Variants in MITF observed in about 807,000 individuals in gnomAD.
MITF encodes the protein melanocyte inducing transcription factor, also known as microphthalmia-associated transcription factor.
A neutral mutation model predicts 60.5 loss-of-function variants in MITF; 17 were observed. That is an observed-to-expected ratio of 0.28 (90% CI 0.19 to 0.42). The LOEUF is 0.42. MITF is among the 10% of genes least tolerant of loss of function. The pLI, the probability that MITF is intolerant of heterozygous loss-of-function variation, is 1.00. For synonymous variants in MITF, 260 were observed against 248.5 expected, an observed-to-expected ratio of 1.05 and a Z score of -0.43; for missense variants, 622 against 683.5, an observed-to-expected ratio of 0.91 and a Z score of 1.00.
chr3:69,775,786 C>G (rs1408864572), intron 1 of MITF, among the ~76,000 whole-genome samples: 1 of 152,100 alleles, frequency 6.6e-6, no homozygotes, highest in Admixed American at 6.5e-5. Flanking sequence ...CTGACTGGGA[C>G]TCTTTGTAGA....
At chr3:69,941,381 T>C in intron 5 of MITF, 50 bp downstream of exon 5, 1 of 1,221,640 alleles carries the variant, frequency 8.2e-7, no homozygotes, top group Non-Finnish European at 1.2e-6. Context: ...TTTCCAGGGT[T>C]CTTTTCTTTT....
chr3:69,816,006 G>A (rs1026391955), intron 1 of MITF, among the ~76,000 whole-genome samples: 1 of 152,124 alleles, frequency 6.6e-6, no homozygotes, highest in Non-Finnish European at 1.5e-5. Flanking sequence ...GGTGTTTAAA[G>A]AAGTCTCTCC....
intron 9 of MITF, among the ~76,000 whole-genome samples, chr3:69,961,550 C>CAAAAA (rs36044055): frequency 7.1e-5 from 9 of 127,086 alleles, no homozygotes; most frequent in African/African-American, 2.3e-4. Context: ...ACCAAAAATA[C>CAAAAA]AAAAAAAAAA....
intron 1 of MITF, among the ~76,000 whole-genome samples, chr3:69,794,274 T>C (rs950838752): frequency 2.6e-5 from 4 of 152,222 alleles, no homozygotes; most frequent in African/African-American, 9.6e-5. Flanking sequence ...GCTATTGTGG[T>C]TGGTCTGCTT....
At position 69,937,836 on chromosome 3, in the gene MITF, C is replaced by T. The variant is rs373819498; in HGVS notation, c.369C>T (p.Leu123=). 22 of 1,613,996 alleles carry T rather than the reference C, an allele frequency of 1.4e-5. No individual in the cohort carries two copies. The highest frequency in any genetic ancestry group is 5.5e-5 in the South Asian group (5 of 91,068). ...GCTATGTTCAGGTGCAGACCCACCT[C>T]GAAAACCCCACCAAGTACCACATAC... ...PMEVLKVQTH[L]ENPTKYHIQQ... The change falls in exon 3 of 10, where the codon CTC becomes CTT. Residue 123 remains leucine, a synonymous_variant. Transcript: ENST00000352241.
chr3:69,796,485 A>G (rs1381520070), intron 1 of MITF, among the ~76,000 whole-genome samples: 1 of 141,060 alleles, frequency 7.1e-6, no homozygotes, highest in East Asian at 2.0e-4. Context: ...GCTTACAAAC[A>G]CCGTCTTTCT....
Position 69,862,992 on chromosome 3 carries a change from CTGTG to C in MITF, c.105-16126_105-16123del, listed in dbSNP as rs112179482. Among the ~76,000 whole-genome samples, 9 of 150,142 alleles carry C rather than the reference CTGTG, an allele frequency of 6.0e-5. No homozygotes were observed. The East Asian group carries it at 1.2e-3, about 19-fold the overall frequency. On this transcript the variant is annotated intron_variant, in intron 1 of 9. Coordinates refer to ENST00000352241, the MANE Select transcript of MITF (RefSeq NM_001354604.2). The stretch of plus-strand genomic sequence containing the variant: ...TATCTCTCTCTATCTCTCTTTCCCT[CTGTG>C]TGTGTGTGTGTGTGTTCATATGCAT...
intron 2 of MITF, among the ~76,000 whole-genome samples, chr3:69,904,533 C>T (rs922918008): frequency 6.6e-6 from 1 of 152,160 alleles, no homozygotes; most frequent in African/African-American, 2.4e-5. Context: ...TGTGAAGTGC[C>T]CCAAGGTTTT....
intron 5 of MITF, among the ~76,000 whole-genome samples, chr3:69,944,401 GA>G (rs2066045180): frequency 6.6e-6 from 1 of 152,068 alleles, no homozygotes; most frequent in Non-Finnish European, 1.5e-5. Flanking sequence ...GGAATTTCCA[GA>G]TAAGAAAGAT....
At chr3:69,865,204 A>G (rs972523650) in intron 1 of MITF, among the ~76,000 whole-genome samples, 1 of 152,224 alleles carries the variant, frequency 6.6e-6, no homozygotes, top group African/African-American at 2.4e-5. Context: ...AGATAATTTC[A>G]TTATATCACG....
chr3:69,886,019 A>G (rs1362152459), intron 2 of MITF, among the ~76,000 whole-genome samples: 1 of 152,120 alleles, frequency 6.6e-6, no homozygotes, highest in Non-Finnish European at 1.5e-5. Context: ...GGGGTCAACT[A>G]GGTCATCAGA....
At chr3:69,860,211 G>C (rs2063987828) in intron 1 of MITF, among the ~76,000 whole-genome samples, 1 of 152,206 alleles carries the variant, frequency 6.6e-6, no homozygotes, top group South Asian at 2.1e-4. Context: ...AACACTGAGA[G>C]AATATCAAAG....
At chr3:69,964,362 A>T (rs1383487574) in intron 9 of MITF, among the ~76,000 whole-genome samples, 1 of 75,708 alleles carries the variant, frequency 1.3e-5, no homozygotes, top group Non-Finnish European at 2.8e-5. Context: ...AATCAAATCT[A>T]TAAAACACCT....
At chr3:69,838,125 A>G (rs144099326) in intron 1 of MITF, among the ~76,000 whole-genome samples, 14 of 152,332 alleles carry the variant, frequency 9.2e-5, no homozygotes, top group Admixed American at 7.8e-4. Flanking sequence ...ATGAAAGAAG[A>G]TAGAGTAGAA....
chr3:69,957,869 A>T (rs1016562123), intron 8 of MITF, among the ~76,000 whole-genome samples: 3 of 152,208 alleles, frequency 2.0e-5, no homozygotes, highest in Admixed American at 1.3e-4. Flanking sequence ...TATAATCTAT[A>T]TGGTGGTTTC....
chr3:69,792,135 T>C (rs566622060), intron 1 of MITF, among the ~76,000 whole-genome samples: 2 of 152,314 alleles, frequency 1.3e-5, no homozygotes, highest in African/African-American at 4.8e-5. Flanking sequence ...CATCACTATC[T>C]GATGCAGAAT....
chr3:69,765,118 G>C (rs2062270282), intron 1 of MITF, among the ~76,000 whole-genome samples: 1 of 152,150 alleles, frequency 6.6e-6, no homozygotes, highest in Non-Finnish European at 1.5e-5. Context: ...AATAGAAAGG[G>C]TTCAGCATTC....
At chr3:69,853,955 T>C (rs893371259) in intron 1 of MITF, among the ~76,000 whole-genome samples, 3 of 150,904 alleles carry the variant, frequency 2.0e-5, no homozygotes, top group Non-Finnish European at 4.4e-5. Flanking sequence ...TCGCCTCCCA[T>C]GTTCAAGTGA....
intron 2 of MITF, among the ~76,000 whole-genome samples, chr3:69,897,719 C>T (rs1433425531): frequency 1.3e-5 from 2 of 152,126 alleles, no homozygotes; most frequent in East Asian, 1.9e-4. Flanking sequence ...TTCAAATCTT[C>T]GAGAGTTGGG....
Sources: allele counts gnomAD v4.1 joint callset (sites outside exome capture counted in the v4.1 genomes callset), GRCh38; gene constraint gnomAD v4.1.1; transcripts MANE v1.5; gene names NCBI Gene and HGNC (gene_info 2026-07-23, HGNC 2026-07-21).